Variants in GRIA1 observed in about 807,000 individuals in gnomAD.
The protein encoded by GRIA1 is glutamate ionotropic receptor AMPA type subunit 1.
In GRIA1, 31 loss-of-function variants were observed where a neutral mutation model predicts 99.2. That is an observed-to-expected ratio of 0.31 (90% CI 0.23 to 0.42). The LOEUF (loss-of-function observed/expected upper bound fraction) is 0.42, where lower values mean the gene tolerates loss of function less well. Among genes scored for constraint, GRIA1 ranks in the 10% least tolerant of loss-of-function variants. The pLI, the probability that GRIA1 is intolerant of heterozygous loss-of-function variation, is 1.00. For synonymous variants in GRIA1, 438 were observed against 432.4 expected (o/e 1.01, Z -0.16); for missense variants, 782 against 1,157.5 (o/e 0.68, Z 4.71).
At chr5:153,654,451 C>A (rs1023209889) in intron 4 of GRIA1, among the ~76,000 whole-genome samples, 3 of 151,942 alleles carry the variant, frequency 2.0e-5, no homozygotes, top group African/African-American at 7.3e-5. Flanking sequence ...TGAATAGGTT[C>A]TTGATAAAGG....
intron 11 of GRIA1, among the ~76,000 whole-genome samples, chr5:153,710,911 C>G (rs1759269045): frequency 6.6e-6 from 1 of 152,230 alleles, no homozygotes; most frequent in African/African-American, 2.4e-5. Flanking sequence ...ACAAGCCTTA[C>G]TTAGAGTGTT....
At chr5:153,551,352 T>TTTTG (rs965026174) in intron 2 of GRIA1, among the ~76,000 whole-genome samples, 1 of 114,188 alleles carries the variant, frequency 8.8e-6, no homozygotes, top group African/African-American at 2.7e-5. Context: ...TTACAGTTTT[T>TTTTG]TTTGTTTGTT....
chr5:153,502,574 T>A (rs1755108484), intron 2 of GRIA1, among the ~76,000 whole-genome samples: 1 of 152,196 alleles, frequency 6.6e-6, no homozygotes, highest in Non-Finnish European at 1.5e-5. Flanking sequence ...AAAGAATTTC[T>A]GATTCAAGCC....
Position 153,756,088 on chromosome 5 carries a change from G to A in GRIA1, c.1824-8346G>A, listed in dbSNP as rs567897751. Among the ~76,000 whole-genome samples, 15 of 152,352 alleles carry A rather than the reference G, an allele frequency of 9.8e-5. No individual in the cohort carries two copies. The South Asian group carries it at 2.7e-3, about 27-fold the overall frequency. On this transcript the variant is annotated intron_variant, in intron 11 of 15. Transcript: ENST00000285900. ...CAGTGGATCTGAAAGTTATCTGGCA[G>A]TTTGGCTCCAGCCCCCCAACAGCTG... is the stretch of plus-strand genomic sequence containing the variant.
rs1756636727 is a variant in GRIA1 at position 153,677,020 on chromosome 5, G to A, written c.888G>A (p.Gly296=). 2 of 1,547,976 alleles carry A rather than the reference G, an allele frequency of 1.3e-6. No individual in the cohort carries two copies. Among genetic ancestry groups the A allele is most frequent in the Non-Finnish European group, 1.8e-6 (2 of 1,141,712 alleles). ...PKYTSALTYD[G]VKVMAEAFQS... ...ACACCTCTGCGCTCACCTACGATGG[G>A]GTGAAGGTGATGGCTGAGGCTTTCC... Residue 296 remains glycine (G), a synonymous_variant, in exon 7 of 16, where the codon GGG becomes GGA. Transcript: ENST00000285900.
At chr5:153,708,793 C>T (rs998276740) in intron 11 of GRIA1, among the ~76,000 whole-genome samples, 2 of 152,216 alleles carry the variant, frequency 1.3e-5, no homozygotes, top group Non-Finnish European at 2.9e-5. Flanking sequence ...AGACCAGCCA[C>T]ATCTGGATTC....
Position 153,812,206 on chromosome 5 carries a change from C to G in GRIA1, c.*981C>G, listed in dbSNP as rs1344890202. ...GCCCATGATTCTCACTTTTTCTTTG[C>G]CTGGCATCTAAGCAGGAACCCATTG... is the stretch of plus-strand genomic sequence containing the variant. On this transcript the variant is annotated 3_prime_UTR_variant, in exon 16 of 16. Transcript: ENST00000285900. 1 of 152,018 alleles carries G rather than the reference C, an allele frequency of 6.6e-6. No individual in the cohort carries two copies. Among genetic ancestry groups the G allele is most frequent in the Non-Finnish European group, 1.5e-5 (1 of 68,026 alleles). The allele number at this position is 152,018 out of a possible 1,614,324, so 9.4% of individuals were successfully genotyped here.
chr5:153,749,479 G>A (rs1762371306), intron 11 of GRIA1, among the ~76,000 whole-genome samples: 1 of 152,178 alleles, frequency 6.6e-6, no homozygotes, highest in African/African-American at 2.4e-5. Context: ...CCCACTCACG[G>A]AGGAAGGCAA....
chr5:153,536,277 C>T (rs1758563624), intron 2 of GRIA1, among the ~76,000 whole-genome samples: 1 of 152,144 alleles, frequency 6.6e-6, no homozygotes, highest in African/African-American at 2.4e-5. Context: ...CCTGTCTCCT[C>T]TCAAGACTTT....
intron 11 of GRIA1, among the ~76,000 whole-genome samples, chr5:153,722,588 C>T (rs1208733062): frequency 6.6e-6 from 1 of 152,158 alleles, no homozygotes; most frequent in Non-Finnish European, 1.5e-5. Context: ...TTACTGTATA[C>T]CACTTTCACA....
At chr5:153,682,058 G>T (rs902566430) in intron 7 of GRIA1, among the ~76,000 whole-genome samples, 1 of 151,058 alleles carries the variant, frequency 6.6e-6, no homozygotes, top group African/African-American at 2.4e-5. Flanking sequence ...AAAGCATCAT[G>T]CATGTGTTTC....
In GRIA1 at chr5:153,506,360, T is replaced by TGTGTGTGTG. The variant is rs1561593677; in HGVS notation, c.220+12295_220+12296insGTGTGTGTG. 6.1e-5 allele frequency among the ~76,000 whole-genome samples: 9 copies of TGTGTGTGTG among 147,360 alleles called. No individual in the cohort carries two copies. In the South Asian group the frequency reaches 1.1e-3, roughly 18 times the overall value. Reference sequence around the variant, plus strand: ...GTGTGTGTGTGTGTGTGTGTGTGTGTTCATACATATATTCATTCTTTCACA... The same window carrying TGTGTGTGTG: ...GTGTGTGTGTGTGTGTGTGTGTGTGTGTGTGTGTGTCATACATATATTCATTCTTTCACA... On this transcript the variant is annotated intron_variant, in intron 2 of 15. Coordinates refer to ENST00000285900, the MANE Select transcript of GRIA1 (RefSeq NM_000827.4).
intron 2 of GRIA1, among the ~76,000 whole-genome samples, chr5:153,531,882 C>G (rs183944549): frequency 6.6e-6 from 1 of 152,266 alleles, no homozygotes. Context: ...GTCACAGAGA[C>G]TGAAACCTCT....
At chr5:153,528,227 T>C (rs1307024236) in intron 2 of GRIA1, among the ~76,000 whole-genome samples, 5 of 152,236 alleles carry the variant, frequency 3.3e-5, no homozygotes, top group Admixed American at 2.6e-4. Context: ...CCTTTTAAAA[T>C]GTGAATAAAT....
chr5:153,584,079 C>T (rs1209348053), intron 2 of GRIA1, among the ~76,000 whole-genome samples: 1 of 152,188 alleles, frequency 6.6e-6, no homozygotes, highest in East Asian at 1.9e-4. Flanking sequence ...GTCAAATCAA[C>T]TGCCTCCATC....
chr5:153,546,390 T>C (rs1428267133), intron 2 of GRIA1, among the ~76,000 whole-genome samples: 2 of 152,164 alleles, frequency 1.3e-5, no homozygotes, highest in Non-Finnish European at 1.5e-5. Context: ...TGGAAGTGCT[T>C]TGTTACCTTA....
chr5:153,751,854 G>C (rs957772693), intron 11 of GRIA1, among the ~76,000 whole-genome samples: 1 of 152,182 alleles, frequency 6.6e-6, no homozygotes, highest in Non-Finnish European at 1.5e-5. Flanking sequence ...TGCAAAAAGA[G>C]ACAGCCTGCT....
intron 2 of GRIA1, among the ~76,000 whole-genome samples, chr5:153,614,089 C>T (rs1766250036): frequency 6.6e-6 from 1 of 152,202 alleles, no homozygotes; most frequent in Non-Finnish European, 1.5e-5. Context: ...TTCACTGCTC[C>T]ACCTCCTATT....
intron 13 of GRIA1, among the ~76,000 whole-genome samples, chr5:153,787,465 A>G (rs1269883235): frequency 2.0e-5 from 3 of 151,128 alleles, no homozygotes; most frequent in Non-Finnish European, 4.4e-5. Context: ...TATGCTGAAC[A>G]TCTCTCTGAA....
Sources: allele counts gnomAD v4.1 joint callset (sites outside exome capture counted in the v4.1 genomes callset), GRCh38; gene constraint gnomAD v4.1.1; transcripts MANE v1.5; gene names NCBI Gene and HGNC (gene_info 2026-07-23, HGNC 2026-07-21).